The following JRKL variants were observed in gnomAD, a reference collection of about 807,000 sequenced individuals.
JRKL encodes the protein jerky protein homolog-like.
In JRKL, 25 loss-of-function variants were observed where a neutral mutation model predicts 34.7. The ratio of observed to expected loss-of-function variants is 0.72; its 90% CI spans 0.53 to 1.01. JRKL has a LOEUF of 1.01. JRKL is among the 50% of genes least tolerant of loss of function. The probability of loss-of-function intolerance (pLI) is 0.00; values close to 1 mark genes in which losing one functional copy is unlikely to be tolerated. For synonymous variants in JRKL, 204 were observed against 212.8 expected (o/e 0.96, Z 0.36); for missense variants, 495 against 615.7 (o/e 0.80, Z 2.07).
In JRKL at chr11:96,391,095, A is replaced by G. The variant is rs756177939; in HGVS notation, c.446A>G (p.Glu149Gly). Reference sequence around the variant, plus strand: ...AGAAATGAAAGATTAAATGGAGATGAGACTGCGGTGGAAGATTTTTGTAAT... The same window carrying G: ...AGAAATGAAAGATTAAATGGAGATGGGACTGCGGTGGAAGATTTTTGTAAT... ...NIRNERLNGDETAVEDFCNNF... is the reference protein window; with the variant it reads ...NIRNERLNGDGTAVEDFCNNF... Residue 149 changes from glutamate (E) to glycine (G), a missense_variant, in exon 2 of 2, where the codon GAG becomes GGG. Glu to Gly is a moderately conservative substitution (Grantham distance 98). Coordinates refer to ENST00000332349, the MANE Select transcript of JRKL (RefSeq NM_001261833.2). The G allele has an allele frequency of 1.2e-6, 2 of 1,614,180 alleles. No homozygotes were observed. The highest frequency in any genetic ancestry group is 1.7e-6 in the Non-Finnish European group (2 of 1,180,020).
intron 1 of JRKL, 25 bp from the exon 2 acceptor site, chr11:96,390,458 C>T (rs917277616): frequency 3.6e-6 from 2 of 558,208 alleles, no homozygotes; most frequent in African/African-American, 1.9e-5. Context: ...TCTCAAACTT[C>T]CTCCTCTTTC....
rs1866560403 is a variant in JRKL, at chr11:96,392,456, T to C, written c.*232T>C. On this transcript the variant is annotated 3_prime_UTR_variant, in exon 2 of 2. Transcript: ENST00000332349. ...AATAGATATAAATTACATGTACACA[T>C]GTATTCACTTTTTAGAATCTGCAAT... is the stretch of plus-strand genomic sequence containing the variant. 1.8e-5 allele frequency: 8 copies of C among 446,248 alleles called. No homozygotes were observed. The South Asian group carries it at 4.5e-4, about 25-fold the overall frequency. The allele number at this position is 446,248 out of a possible 1,614,324, so 27.6% of individuals were successfully genotyped here.
At position 96,391,519 on chromosome 11, in the gene JRKL, G is replaced by T; in HGVS notation, c.870G>T (p.Leu290Phe). 1 of 1,553,956 alleles carries T rather than the reference G, an allele frequency of 6.4e-7. No homozygotes were observed. Among genetic ancestry groups the T allele is most frequent in the Non-Finnish European group, 8.7e-7 (1 of 1,147,930 alleles). ...SKGLQEKAVL[L>F]LDNSPTHPNE... ...GCTTGCAGGAAAAGGCTGTGCTCTT[G>T]TTGGATAATTCACCAACACATCCAA... The change falls in exon 2 of 2, where the codon TTG (leucine) becomes TTT (phenylalanine). Residue 290 changes from leucine to phenylalanine, a missense_variant. Physicochemically the swap from Leu to Phe is conservative, Grantham distance 22. Coordinates refer to ENST00000332349, the MANE Select transcript of JRKL (RefSeq NM_001261833.2).
chr11:96,390,426 T>C (rs1423348081), intron 1 of JRKL, 57 bp from the exon 2 acceptor site: 2 of 454,848 alleles, frequency 4.4e-6, no homozygotes, highest in African/African-American at 4.0e-5. Flanking sequence ...ACTGCCCGTA[T>C]AAGTTAAAGA....
chr11:96,390,334 G>GTA (rs1214783590), intron 1 of JRKL, 149 bp from the exon 2 acceptor site: 2 of 239,148 alleles, frequency 8.4e-6, no homozygotes, highest in Admixed American at 1.0e-4. Flanking sequence ...CACAATGGGG[G>GTA]TATAGTCTTT....
chr11:96,391,980 T>A lies in JRKL; in HGVS notation c.1331T>A (p.Leu444Ter). Residue 444 changes from leucine to a stop codon, truncating the protein, a stop_gained, in exon 2 of 2, where the codon TTA becomes TAA. Transcript: ENST00000332349. LOFTEE classifies it high-confidence loss of function. ...VDSTEPGYEV[L>*]TDSEIIRRAQ... ...AGTACTGAACCAGGCTATGAAGTGTTAACTGATAGCGAAATCATCAGAAGA... is the reference window on the plus strand; with the variant it reads ...AGTACTGAACCAGGCTATGAAGTGTAAACTGATAGCGAAATCATCAGAAGA... The A allele has an allele frequency of 6.2e-7, 1 of 1,614,070 alleles. No homozygotes were observed. Among genetic ancestry groups the A allele is most frequent in the Non-Finnish European group, 8.5e-7 (1 of 1,180,016 alleles).
chr11:96,392,309 C>G lies in JRKL; in HGVS notation c.*85C>G. 1.4e-6 allele frequency: 2 copies of G among 1,457,044 alleles called. No homozygotes were observed. The highest frequency in any genetic ancestry group is 1.8e-6 in the Non-Finnish European group (2 of 1,104,868). The allele number at this position is 1,457,044 out of a possible 1,614,324, so 90.3% of individuals were successfully genotyped here. A position where few individuals can be genotyped will look rare whatever the true frequency, so the allele number is the denominator to read the frequency against. ...CTTAATTTTCTTTGTGTTCTGAATTCTCAGACTTGGTCCTGTGAAATACAG... is the reference window on the plus strand; with the variant it reads ...CTTAATTTTCTTTGTGTTCTGAATTGTCAGACTTGGTCCTGTGAAATACAG... On this transcript the variant is annotated 3_prime_UTR_variant, in exon 2 of 2. Transcript: ENST00000332349.
In JRKL at chr11:96,391,639, C is replaced by T. The variant is rs369303247; in HGVS notation, c.990C>T (p.Val330=). 1.9e-5 allele frequency: 31 copies of T among 1,613,948 alleles called. No homozygotes were observed. The highest frequency in any genetic ancestry group is 2.4e-5 in the Non-Finnish European group (28 of 1,179,980). ...TGATTCAGCCTTCAGATCAGGGAGT[C>T]ATAGCAACGATGAAGAGAAATTATC... The part of the protein sequence containing the change: ...ASLIQPSDQG[V]IATMKRNYRA... The change falls in exon 2 of 2, where the codon GTC becomes GTT. Residue 330 remains valine, a synonymous_variant. Coordinates refer to ENST00000332349, the MANE Select transcript of JRKL (RefSeq NM_001261833.2).
rs971147297 is a variant in JRKL, at chr11:96,393,080, C to G, written c.*856C>G. 6.1e-6 allele frequency: 1 copy of G among 164,292 alleles called. No homozygotes were observed. Among genetic ancestry groups the G allele is most frequent in the African/African-American group, 2.4e-5 (1 of 40,874 alleles). The allele number at this position is 164,292 out of a possible 1,614,324, so 10.2% of individuals were successfully genotyped here. A position where few individuals can be genotyped will look rare whatever the true frequency, so the allele number is the denominator to read the frequency against. Reference sequence around the variant, plus strand: ...ATGTTACATGTGATGATATGAGCTCCCACCTTATATGGGGGAACATCTTGG... The same window carrying G: ...ATGTTACATGTGATGATATGAGCTCGCACCTTATATGGGGGAACATCTTGG... On this transcript the variant is annotated 3_prime_UTR_variant, in exon 2 of 2. Coordinates refer to ENST00000332349, the MANE Select transcript of JRKL (RefSeq NM_001261833.2).
rs961202323 is a variant in JRKL at position 96,393,404 on chromosome 11, A to T, written c.*1180A>T. The T allele has an allele frequency of 3.6e-5, 6 of 166,770 alleles. No homozygotes were observed. Among genetic ancestry groups the T allele is most frequent in the Admixed American group, 6.6e-5 (1 of 15,256 alleles). The allele number at this position is 166,770 out of a possible 1,614,324, so 10.3% of individuals were successfully genotyped here. On this transcript the variant is annotated 3_prime_UTR_variant, in exon 2 of 2. Coordinates refer to ENST00000332349, the MANE Select transcript of JRKL (RefSeq NM_001261833.2). ...GTAATCTAAATCAGAATTTTGATAA[A>T]TTTTTTTTGTAAACTAAGTATGTTT...
In JRKL at chr11:96,391,257, A is replaced by G; in HGVS notation, c.608A>G (p.Lys203Arg). The G allele has an allele frequency of 6.4e-7, 1 of 1,551,716 alleles. No individual in the cohort carries two copies. Among genetic ancestry groups the G allele is most frequent in the Non-Finnish European group, 8.7e-7 (1 of 1,147,014 alleles). Residue 203 changes from lysine (K) to arginine (R), a missense_variant, in exon 2 of 2, where the codon AAA (lysine) becomes AGA (arginine). Physicochemically the swap from Lys to Arg is conservative, Grantham distance 26 (BLOSUM62 2). Transcript: ENST00000332349. ...GGTAAATGCACTGTCCCTGGGCACA[A>G]ATCAATTGAAGAAAGAGTCACAATC... Reference protein sequence around the residue: ...IKGKCTVPGHKSIEERVTIMC... With the variant: ...IKGKCTVPGHRSIEERVTIMC...
Position 96,391,962 on chromosome 11 carries a change from A to T in JRKL, c.1313A>T (p.Glu438Val), listed in dbSNP as rs1255734928. 1 of 1,614,020 alleles carries T rather than the reference A, an allele frequency of 6.2e-7. No individual in the cohort carries two copies. The highest frequency in any genetic ancestry group is 1.7e-5 in the Admixed American group (1 of 60,006). The change falls in exon 2 of 2, where the codon GAA (glutamate) becomes GTA (valine). Residue 438 changes from glutamate to valine, a missense_variant. Physicochemically the swap from Glu to Val is moderately radical, Grantham distance 121. Transcript: ENST00000332349. ...LEKWLEVDST[E>V]PGYEVLTDSE... ...AAATGGCTTGAAGTAGACAGTACTG[A>T]ACCAGGCTATGAAGTGTTAACTGAT...
At position 96,391,271 on chromosome 11, in the gene JRKL, A is replaced by G; in HGVS notation, c.622A>G (p.Arg208Gly). Reference protein sequence around the residue: ...TVPGHKSIEERVTIMCCANAT... With the variant: ...TVPGHKSIEEGVTIMCCANAT... ...CCCTGGGCACAAATCAATTGAAGAA[A>G]GAGTCACAATCATGTGTTGTGCCAA... Residue 208 changes from arginine to glycine, a missense_variant, in exon 2 of 2, where the codon AGA (arginine) becomes GGA (glycine). Coordinates refer to ENST00000332349, the MANE Select transcript of JRKL (RefSeq NM_001261833.2). 6.4e-7 allele frequency: 1 copy of G among 1,551,710 alleles called. No individual in the cohort carries two copies. The highest frequency in any genetic ancestry group is 8.7e-7 in the Non-Finnish European group (1 of 1,147,010).
Position 96,391,975 on chromosome 11 carries a change from A to T in JRKL, c.1326A>T (p.Glu442Asp). ...TAGACAGTACTGAACCAGGCTATGA[A>T]GTGTTAACTGATAGCGAAATCATCA... ...LEVDSTEPGY[E>D]VLTDSEIIRR... The change falls in exon 2 of 2, where the codon GAA becomes GAT. Residue 442 changes from glutamate (E) to aspartate (D), a missense_variant. Glu to Asp is a conservative substitution (Grantham distance 45, BLOSUM62 2). Coordinates refer to ENST00000332349, the MANE Select transcript of JRKL (RefSeq NM_001261833.2). 1.2e-6 allele frequency: 2 copies of T among 1,614,098 alleles called. No homozygotes were observed. The highest frequency in any genetic ancestry group is 1.7e-6 in the Non-Finnish European group (2 of 1,180,014).
rs1049829982 is a variant in JRKL at position 96,393,007 on chromosome 11, G to C, written c.*783G>C. On this transcript the variant is annotated 3_prime_UTR_variant, in exon 2 of 2. Coordinates refer to ENST00000332349, the MANE Select transcript of JRKL (RefSeq NM_001261833.2). ...TCTTTTTATTATGAATTTGGTAATA[G>C]TATAGGTTTATTATTTATTCATCTA... The C allele has an allele frequency of 2.4e-5, 4 of 166,174 alleles. No individual in the cohort carries two copies. The South Asian group carries it at 8.3e-4, about 35-fold the overall frequency. The allele number at this position is 166,174 out of a possible 1,614,324, so 10.3% of individuals were successfully genotyped here. A position where few individuals can be genotyped will look rare whatever the true frequency, so the allele number is the denominator to read the frequency against.
In JRKL at chr11:96,391,941, G is replaced by A; in HGVS notation, c.1292G>A (p.Trp431Ter). 1 of 1,614,116 alleles carries A rather than the reference G, an allele frequency of 6.2e-7. No homozygotes were observed. Among genetic ancestry groups the A allele is most frequent in the Non-Finnish European group, 8.5e-7 (1 of 1,180,008 alleles). The change falls in exon 2 of 2, where the codon TGG becomes TAG. Residue 431 changes from tryptophan to a stop codon, truncating the protein, a stop_gained. Transcript: ENST00000332349. LOFTEE classifies it high-confidence loss of function. ...GTGACTACTGAGAACCTTGAAAAAT[G>A]GCTTGAAGTAGACAGTACTGAACCA... ...ENVTTENLEK[W>*]LEVDSTEPGY...
In JRKL at chr11:96,391,687, C is replaced by CAAA. The variant is rs1227898352; in HGVS notation, c.1038_1039insAAA (p.Asn346_Leu347insLys). ...ATCGTGCAGGTCTTCTCCAGAACAA[C>CAAA]TTGGAAGAAGGTAATGACCTGAAAT... On this transcript the variant is annotated inframe_insertion, in exon 2 of 2. Coordinates refer to ENST00000332349, the MANE Select transcript of JRKL (RefSeq NM_001261833.2). 1.2e-6 allele frequency: 2 copies of CAAA among 1,614,012 alleles called. No individual in the cohort carries two copies. Among genetic ancestry groups the CAAA allele is most frequent in the Admixed American group, 3.3e-5 (2 of 60,002 alleles).
chr11:96,390,331 G>T (rs901416581), intron 1 of JRKL, among the ~76,000 whole-genome samples, 152 bp from the exon 2 acceptor site: 1 of 152,132 alleles, frequency 6.6e-6, no homozygotes, highest in Non-Finnish European at 1.5e-5. Flanking sequence ...GGCCACAATG[G>T]GGGTATAGTC....
chr11:96,392,294 T>C lies in JRKL; in HGVS notation c.*70T>C. The C allele has an allele frequency of 6.8e-7, 1 of 1,469,360 alleles. No homozygotes were observed. 91.0% of individuals were successfully genotyped at this position (1,469,360 alleles called of 1,614,324 possible). ...CTCTTTGCAATATGGCTTAATTTTCTTTGTGTTCTGAATTCTCAGACTTGG... is the reference window on the plus strand; with the variant it reads ...CTCTTTGCAATATGGCTTAATTTTCCTTGTGTTCTGAATTCTCAGACTTGG... On this transcript the variant is annotated 3_prime_UTR_variant, in exon 2 of 2. Coordinates refer to ENST00000332349, the MANE Select transcript of JRKL (RefSeq NM_001261833.2).
Sources: gnomAD v4.1 joint callset for allele counts (sites outside exome capture counted in the v4.1 genomes callset) on GRCh38, gnomAD v4.1.1 for gene constraint, MANE v1.5 for transcripts, NCBI Gene and HGNC (gene_info 2026-07-23, HGNC 2026-07-21) for gene names.